Variants in DRAM2 observed in about 807,000 individuals in gnomAD.
DRAM2 encodes the protein DNA damage regulated autophagy modulator 2.
DRAM2 carries 26 observed loss-of-function variants against 33.5 expected under a neutral mutation model. The ratio of observed to expected loss-of-function variants is 0.78; its 90% confidence interval spans 0.57 to 1.08. The LOEUF is 1.08. Among genes scored for constraint, DRAM2 ranks in the 50% least tolerant of loss-of-function variants. The pLI is 0.00. For synonymous variants in DRAM2, 98 were observed against 109.5 expected (o/e 0.89, Z 0.66); for missense variants, 311 against 318.1 (o/e 0.98, Z 0.17).
chr1:111,126,793 G>A lies in DRAM2; in HGVS notation c.132-499C>T, dbSNP rs568242212. On this transcript the variant is annotated intron_variant, in intron 4 of 9. Transcript: ENST00000484310. ...TTCAGAAACGGGAACACAGTGATAA[G>A]TAAAATAGACAAAGCCCCTGCCCTC... Among the ~76,000 whole-genome samples the A allele has an allele frequency of 5.3e-5, 8 of 152,298 alleles. No homozygotes were observed. In the South Asian group the frequency reaches 1.5e-3, roughly 28 times the overall value.
Position 111,117,425 on chromosome 1 carries a change from T to G in DRAM2, c.*735A>C, listed in dbSNP as rs1649140178. On this transcript the variant is annotated 3_prime_UTR_variant, in exon 10 of 10. Coordinates refer to ENST00000484310, the MANE Select transcript of DRAM2 (RefSeq NM_001349884.2). The stretch of plus-strand genomic sequence containing the variant: ...ACCCTTGTTTTATATAAAATATGAC[T>G]AAAGTAAATTTACCTACAGGTGCCT... 6.6e-6 allele frequency: 1 copy of G among 152,128 alleles called. No individual in the cohort carries two copies. 9.4% of individuals were successfully genotyped at this position (152,128 alleles called of 1,614,324 possible).
At chr1:111,132,515 C>T (rs545576807) in intron 3 of DRAM2, among the ~76,000 whole-genome samples, 7 of 152,022 alleles carry the variant, frequency 4.6e-5, no homozygotes, top group Non-Finnish European at 7.4e-5. Flanking sequence ...TCAACCAGTG[C>T]GATCTGATGC....
intron 6 of DRAM2, among the ~76,000 whole-genome samples, chr1:111,121,588 T>C (rs1224615114): frequency 6.6e-6 from 1 of 152,182 alleles, no homozygotes; most frequent in African/African-American, 2.4e-5. Flanking sequence ...ACACTTACCA[T>C]GTAGTTATTT....
intron 3 of DRAM2, among the ~76,000 whole-genome samples, chr1:111,137,178 CG>C (rs1227432969): frequency 1.4e-5 from 2 of 138,594 alleles, no homozygotes; most frequent in Admixed American, 7.8e-5. Context: ...GTGTGAACCC[CG>C]GGGGGCGGAG....
chr1:111,129,840 A>G (rs1449979067), intron 4 of DRAM2, among the ~76,000 whole-genome samples: 1 of 152,202 alleles, frequency 6.6e-6, no homozygotes, highest in Non-Finnish European at 1.5e-5. Context: ...AAAGAACGAG[A>G]AAAAAAGAGA....
chr1:111,136,198 C>CT (rs1003608328), intron 3 of DRAM2, among the ~76,000 whole-genome samples: 172 of 151,824 alleles, frequency 1.1e-3, no homozygotes, highest in African/African-American at 3.8e-3. Context: ...CTGCTCAAAA[C>CT]TTTTTTTTTA....
chr1:111,137,314 G>C (rs999179307), intron 3 of DRAM2, among the ~76,000 whole-genome samples: 2 of 151,144 alleles, frequency 1.3e-5, no homozygotes, highest in Admixed American at 1.3e-4. Flanking sequence ...ACTGTGCTGA[G>C]TAGTCTTTGT....
Position 111,118,016 on chromosome 1 carries a change from T to A in DRAM2, c.*144A>T. 7.0e-6 allele frequency: 5 copies of A among 713,502 alleles called. 1 individual carries two copies. In the Admixed American group the frequency reaches 1.2e-4, roughly 17 times the overall value. The allele number at this position is 713,502 out of a possible 1,614,324, so 44.2% of individuals were successfully genotyped here. On this transcript the variant is annotated 3_prime_UTR_variant, in exon 10 of 10. Coordinates refer to ENST00000484310, the MANE Select transcript of DRAM2 (RefSeq NM_001349884.2). ...ATAATCTATCAAATGGCTTCTTTCA[T>A]GTTTCCTGATTATCAGCATTCATCA...
At chr1:111,118,315 A>G (rs1649329114) in intron 9 of DRAM2, 48 bp from the exon 10 acceptor site, 1 of 1,292,406 alleles carries the variant, frequency 7.7e-7, no homozygotes, top group Non-Finnish European at 1.1e-6. Flanking sequence ...CCTTAAAGAG[A>G]GATCACTCCT....
At chr1:111,119,772 T>C (rs1649602686) in intron 8 of DRAM2, 105 bp downstream of exon 8, 1 of 935,530 alleles carries the variant, frequency 1.1e-6, no homozygotes, top group Non-Finnish European at 1.6e-6. Flanking sequence ...CTGATTATTC[T>C]ACCAGAAGAC....
intron 3 of DRAM2, among the ~76,000 whole-genome samples, chr1:111,133,269 C>G (rs1318806605): frequency 6.6e-6 from 1 of 151,792 alleles, no homozygotes; most frequent in East Asian, 1.9e-4. Flanking sequence ...CCTCAGCCTC[C>G]CAGGTTCAAG....
intron 3 of DRAM2, among the ~76,000 whole-genome samples, chr1:111,133,222 G>C (rs549820791): frequency 1.4e-5 from 2 of 146,252 alleles, no homozygotes; most frequent in Non-Finnish European, 3.0e-5. Context: ...GTGACACCCA[G>C]GCTGGACTGC....
intron 6 of DRAM2, among the ~76,000 whole-genome samples, chr1:111,123,740 G>T (rs979232238): frequency 6.6e-6 from 1 of 152,112 alleles, no homozygotes; most frequent in Non-Finnish European, 1.5e-5. Context: ...GATGTGGGGG[G>T]TTGGGGGTGG....
chr1:111,126,208 A>G lies in DRAM2; in HGVS notation c.199+19T>C. ...AGCAATTTGGCTATTATCATGTTAA[A>G]ATCACTTTCATTACTTACATAAAAC... On this transcript the variant is annotated intron_variant, in intron 5 of 9. Transcript: ENST00000484310. 6.4e-7 allele frequency: 1 copy of G among 1,570,962 alleles called. No individual in the cohort carries two copies. Among genetic ancestry groups the G allele is most frequent in the Non-Finnish European group, 8.8e-7 (1 of 1,141,706 alleles).
intron 6 of DRAM2, 145 bp from the exon 7 acceptor site, chr1:111,120,838 T>A: frequency 4.9e-6 from 3 of 615,658 alleles, no homozygotes; most frequent in Non-Finnish European, 7.4e-6. Context: ...AATTACTTTC[T>A]GAAGTAATTT....
chr1:111,137,229 G>A lies in DRAM2; in HGVS notation c.-15+294C>T, dbSNP rs560044557. Among the ~76,000 whole-genome samples, 19 of 148,798 alleles carry A rather than the reference G, an allele frequency of 1.3e-4. No homozygotes were observed. In the South Asian group the frequency reaches 3.9e-3, roughly 30 times the overall value. The stretch of plus-strand genomic sequence containing the variant: ...AGATCGCGCCACTGCACTCCAACCT[G>A]GGCGACAGCGAGATTCCATCTCAAA... On this transcript the variant is annotated intron_variant, in intron 3 of 9. Coordinates refer to ENST00000484310, the MANE Select transcript of DRAM2 (RefSeq NM_001349884.2).
Position 111,120,059 on chromosome 1 carries a change from T to G in DRAM2, c.518-100A>C. 3 of 1,010,994 alleles carry G rather than the reference T, an allele frequency of 3.0e-6. No homozygotes were observed. In the East Asian group the frequency reaches 7.6e-5, roughly 26 times the overall value. 62.6% of individuals were successfully genotyped at this position (1,010,994 alleles called of 1,614,324 possible). A position where few individuals can be genotyped will look rare whatever the true frequency, so the allele number is the denominator to read the frequency against. ...ATTACTCACACATTTATTGCTAAGG[T>G]CTAAACCCATTTTCTTAAAGACTTA... On this transcript the variant is annotated intron_variant, in intron 7 of 9. Transcript: ENST00000484310.
chr1:111,137,449 G>A (rs960998072), intron 3 of DRAM2, 74 bp downstream of exon 3: 1 of 151,970 alleles, frequency 6.6e-6, no homozygotes, highest in Non-Finnish European at 1.5e-5. Flanking sequence ...TTTATTCAAG[G>A]ATTAAATAAG....
chr1:111,128,856 A>G (rs1387960673), intron 4 of DRAM2, among the ~76,000 whole-genome samples: 1 of 152,224 alleles, frequency 6.6e-6, no homozygotes, highest in Non-Finnish European at 1.5e-5. Context: ...ACAAGTTCTC[A>G]GATGGAGAAA....
Sources: gnomAD v4.1 joint callset for allele counts (sites outside exome capture counted in the v4.1 genomes callset) on GRCh38, gnomAD v4.1.1 for gene constraint, MANE v1.5 for transcripts, NCBI Gene and HGNC (gene_info 2026-07-23, HGNC 2026-07-21) for gene names.